Variants in NBAS observed in about 807,000 individuals in gnomAD.
The protein encoded by NBAS is NBAS subunit of NRZ tethering complex, also known as NAG/BC035112 fusion.
A neutral mutation model predicts 302.5 loss-of-function variants in NBAS; 219 were observed. The observed-to-expected ratio is 0.72, with a 90% CI of 0.65 to 0.81. The LOEUF (loss-of-function observed/expected upper bound fraction) is 0.81. Ranked by LOEUF, NBAS falls within the 30% of genes least tolerant of loss-of-function variation. The pLI is 0.00. For missense variants in NBAS, 2,932 were observed against 2,841.6 expected, an observed-to-expected ratio of 1.03 and a Z score of -0.72; for synonymous variants, 1,118 against 1,021.6, an observed-to-expected ratio of 1.09 and a Z score of -1.80.
At chr2:15,144,985 T>A in the NBAS span, among the ~76,000 whole-genome samples, 235 of 152,292 alleles carry the variant, frequency 1.5e-3, no homozygotes, top group Non-Finnish European at 3.0e-3. Context: ...AAGCTTTCCA[T>A]GAGGTTAAGC....
At chr2:14,930,470 GC>G in the NBAS span, among the ~76,000 whole-genome samples, 1 of 152,182 alleles carries the variant, frequency 6.6e-6, no homozygotes, top group Non-Finnish European at 1.5e-5. Context: ...GACTGCAAAA[GC>G]TATAGGCTCT....
At chr2:14,853,008 A>T in the NBAS span, among the ~76,000 whole-genome samples, 13 of 150,102 alleles carry the variant, frequency 8.7e-5, no homozygotes, top group African/African-American at 3.0e-4. Context: ...GGACATAGGC[A>T]TGGGAAGGAC....
chr2:14,802,013 G>A, the NBAS span, among the ~76,000 whole-genome samples: 1 of 146,760 alleles, frequency 6.8e-6, no homozygotes, highest in Non-Finnish European at 1.5e-5. Context: ...CTGTGCAGAA[G>A]CTCTTTAGTT....
the NBAS span, among the ~76,000 whole-genome samples, chr2:15,019,481 CAGAA>C: frequency 1.3e-5 from 2 of 151,958 alleles, no homozygotes; most frequent in Admixed American, 6.6e-5. Flanking sequence ...GGGCTGCAGA[CAGAA>C]AGAAAGAGAA....
chr2:14,954,459 CTA>C, the NBAS span, among the ~76,000 whole-genome samples: 1 of 152,114 alleles, frequency 6.6e-6, no homozygotes, highest in African/African-American at 2.4e-5. Flanking sequence ...GTCTCTTAGG[CTA>C]TGTTTCTTTC....
the NBAS span, among the ~76,000 whole-genome samples, chr2:14,882,629 G>C: frequency 1.3e-5 from 2 of 152,074 alleles, no homozygotes; most frequent in Admixed American, 1.3e-4. Context: ...AATCCACATG[G>C]GTTCTGCATA....
chr2:15,156,204 GCTGCAGC>G, the NBAS span, among the ~76,000 whole-genome samples: 1 of 152,120 alleles, frequency 6.6e-6, no homozygotes, highest in South Asian at 2.1e-4. Context: ...CATTGTTTGT[GCTGCAGC>G]CAGGAATAGT....
chr2:15,424,720 T>C (rs1156615028), intron 22 of NBAS, among the ~76,000 whole-genome samples: 1 of 152,178 alleles, frequency 6.6e-6, no homozygotes, highest in Non-Finnish European at 1.5e-5. Context: ...AAAACGGCTA[T>C]GCCACAAATC....
chr2:15,358,235 C>T (rs1188925359), intron 32 of NBAS, among the ~76,000 whole-genome samples: 1 of 152,152 alleles, frequency 6.6e-6, no homozygotes, highest in East Asian at 1.9e-4. Flanking sequence ...AATTCCTGCT[C>T]TTTGCCTAAA....
At chr2:14,848,819 G>T in the NBAS span, among the ~76,000 whole-genome samples, 1 of 151,824 alleles carries the variant, frequency 6.6e-6, no homozygotes, top group Non-Finnish European at 1.5e-5. Context: ...GGGGCACACT[G>T]ACACCTCACA....
At chr2:14,832,516 A>C in the NBAS span, among the ~76,000 whole-genome samples, 1 of 152,124 alleles carries the variant, frequency 6.6e-6, no homozygotes, top group East Asian at 1.9e-4. Context: ...TGCTTCACCC[A>C]CTAAGAACCA....
chr2:14,937,827 G>A, the NBAS span, among the ~76,000 whole-genome samples: 1 of 152,192 alleles, frequency 6.6e-6, no homozygotes, highest in East Asian at 1.9e-4. Flanking sequence ...TTACAGTGTT[G>A]TTATTAATAA....
intron 28 of NBAS, among the ~76,000 whole-genome samples, chr2:15,388,949 T>A (rs1675448782): frequency 6.6e-6 from 1 of 152,056 alleles, no homozygotes; most frequent in South Asian, 2.1e-4. Context: ...ATCTATAGTG[T>A]TTTAGTGTTT....
chr2:15,019,288 T>G, the NBAS span, among the ~76,000 whole-genome samples: 1 of 152,214 alleles, frequency 6.6e-6, no homozygotes, highest in African/African-American at 2.4e-5. Flanking sequence ...TTGTAGAAAT[T>G]TATTCTGGTT....
At chr2:14,809,421 T>A in the NBAS span, among the ~76,000 whole-genome samples, 7 of 152,186 alleles carry the variant, frequency 4.6e-5, no homozygotes, top group East Asian at 1.4e-3. Context: ...CTAACAGGGG[T>A]CAAGGTACAG....
the NBAS span, among the ~76,000 whole-genome samples, chr2:14,839,476 A>G: frequency 1.3e-5 from 2 of 152,056 alleles, no homozygotes; most frequent in African/African-American, 4.8e-5. Context: ...AGGTAAAACT[A>G]CCATATCCAG....
chr2:14,867,006 T>C, the NBAS span, among the ~76,000 whole-genome samples: 1 of 152,168 alleles, frequency 6.6e-6, no homozygotes, highest in Non-Finnish European at 1.5e-5. Context: ...AGAAAACCCA[T>C]AGAATTTTGT....
chr2:15,187,665 C>A (rs1335443025), intron 49 of NBAS, among the ~76,000 whole-genome samples: 2 of 152,116 alleles, frequency 1.3e-5, no homozygotes, highest in African/African-American at 4.8e-5. Context: ...ATGGTAAATT[C>A]ATTTCATGGC....
the NBAS span, among the ~76,000 whole-genome samples, chr2:15,100,324 G>T: frequency 6.6e-6 from 1 of 152,274 alleles, no homozygotes; most frequent in East Asian, 1.9e-4. Flanking sequence ...ACTTTAAAAA[G>T]ATCCAAGAGT....
Sources: allele counts gnomAD v4.1 joint callset (sites outside exome capture counted in the v4.1 genomes callset), GRCh38; gene constraint gnomAD v4.1.1; transcripts MANE v1.5; gene names NCBI Gene and HGNC (gene_info 2026-07-23, HGNC 2026-07-21).